HPS4: variants seen among roughly 807,000 people sequenced by gnomAD.
HPS4 encodes the protein HPS4 biogenesis of lysosomal organelles complex 3 subunit 2.
Under a neutral mutation model 70.3 loss-of-function variants are expected in HPS4, and 44 were observed. The ratio of observed to expected loss-of-function variants is 0.63; its 90% CI spans 0.49 to 0.80. HPS4 has a LOEUF of 0.80. HPS4 is among the 30% of genes least tolerant of loss of function. The probability of loss-of-function intolerance (pLI) is 0.00; values close to 1 mark genes in which losing one functional copy is unlikely to be tolerated. For missense variants in HPS4, 873 were observed against 884.4 expected (o/e 0.99, Z 0.16); for synonymous variants, 377 against 355.9 (o/e 1.06, Z -0.67).
In HPS4 at chr22:26,452,416, G is replaced by A; in HGVS notation, c.*817C>T. ...CGCAGCCACCACTGAAAAGCACAGT[G>A]CTTTTACCCCCAGACATCTTGTAAA... is the stretch of plus-strand genomic sequence containing the variant. On this transcript the variant is annotated 3_prime_UTR_variant, in exon 14 of 14. Transcript: ENST00000398145. 1 of 452,612 alleles carries A rather than the reference G, an allele frequency of 2.2e-6. No homozygotes were observed. Among genetic ancestry groups the A allele is most frequent in the East Asian group, 7.0e-5 (1 of 14,384 alleles). The allele number at this position is 452,612 out of a possible 1,614,324, so 28.0% of individuals were successfully genotyped here. A position where few individuals can be genotyped will look rare whatever the true frequency, so the allele number is the denominator to read the frequency against.
At chr22:26,465,605 CG>C in intron 9 of HPS4, 54 bp from the exon 10 acceptor site, 1 of 1,441,608 alleles carries the variant, frequency 6.9e-7, no homozygotes, top group Non-Finnish European at 9.7e-7. Context: ...GAGAGGGCAG[CG>C]GGGCAATAGC....
At chr22:26,463,555 G>C (rs2087764261) in intron 11 of HPS4, among the ~76,000 whole-genome samples, 1 of 152,198 alleles carries the variant, frequency 6.6e-6, no homozygotes, top group Non-Finnish European at 1.5e-5. Context: ...AAGGCTCAAG[G>C]GGACAAAGGT....
At chr22:26,458,214 T>TTC (rs1456380302) in intron 12 of HPS4, among the ~76,000 whole-genome samples, 2 of 152,224 alleles carry the variant, frequency 1.3e-5, no homozygotes, top group East Asian at 3.9e-4. Flanking sequence ...GAACATGAAC[T>TTC]TCTCTCAAAA....
At chr22:26,472,182 C>G (rs1333318927) in intron 6 of HPS4, 120 bp downstream of exon 6, 1 of 777,426 alleles carries the variant, frequency 1.3e-6, no homozygotes, top group Non-Finnish European at 2.3e-6. Flanking sequence ...TGTCATGGCC[C>G]TGCCTGAGAA....
rs548085200 is a variant in HPS4 at position 26,452,615 on chromosome 22, T to C, written c.*618A>G. 2.1e-5 allele frequency: 6 copies of C among 283,946 alleles called. No individual in the cohort carries two copies. Among genetic ancestry groups the C allele is most frequent in the South Asian group, 1.9e-4 (6 of 30,820 alleles). The allele number at this position is 283,946 out of a possible 1,614,324, so 17.6% of individuals were successfully genotyped here. The stretch of plus-strand genomic sequence containing the variant: ...TCCATATTATTAAGGCTTGCCCCCA[T>C]TGTGGGTCCAAAGAAGACGCCCCTA... On this transcript the variant is annotated 3_prime_UTR_variant, in exon 14 of 14. Transcript: ENST00000398145.
intron 8 of HPS4, chr22:26,466,750 T>TA: frequency 7.1e-5 from 12 of 168,934 alleles, no homozygotes; most frequent in Non-Finnish European, 1.1e-4. Context: ...TTTGTTCTGG[T>TA]TCACAATCAG....
intron 3 of HPS4, among the ~76,000 whole-genome samples, chr22:26,478,739 C>G (rs2090933212): frequency 7.9e-6 from 1 of 127,166 alleles, no homozygotes; most frequent in Non-Finnish European, 1.7e-5. Flanking sequence ...GGCTGGTGTG[C>G]AATGGCGCAG....
chr22:26,476,826 G>A, intron 4 of HPS4, 167 bp downstream of exon 4: 1 of 701,636 alleles, frequency 1.4e-6, no homozygotes, highest in Non-Finnish European at 2.5e-6. Context: ...AGCACTTGAT[G>A]ATGAAAACCT....
At chr22:26,462,869 A>G (rs919556963) in intron 11 of HPS4, among the ~76,000 whole-genome samples, 3 of 152,210 alleles carry the variant, frequency 2.0e-5, no homozygotes, top group African/African-American at 7.2e-5. Flanking sequence ...GCGTCTGTGG[A>G]AAGGGCACAG....
intron 2 of HPS4, chr22:26,479,828 C>T: frequency 2.9e-6 from 1 of 343,918 alleles, no homozygotes; most frequent in Non-Finnish European, 4.2e-6. Context: ...TGAGGGCCCA[C>T]AGTGTGCTCC....
rs1167938382 is a variant in HPS4 at position 26,464,071 on chromosome 22, G to A, written c.1559C>T (p.Pro520Leu). Reference sequence around the variant, plus strand: ...CCTGGAGCTGATTCCATCTGCAGAGGGGCCAGCACCCTGACAGTTTGCTGA... The same window carrying A: ...CCTGGAGCTGATTCCATCTGCAGAGAGGCCAGCACCCTGACAGTTTGCTGA... ...SGSANCQGAGPSADGISSRLT... is the reference protein window; with the variant it reads ...SGSANCQGAGLSADGISSRLT... Residue 520 changes from proline to leucine, a missense_variant, in exon 11 of 14, where the codon CCC becomes CTC. Physicochemically the swap from Pro to Leu is moderately conservative, Grantham distance 98. Transcript: ENST00000398145. 4 of 1,614,256 alleles carry A rather than the reference G, an allele frequency of 2.5e-6. No individual in the cohort carries two copies. In the South Asian group the frequency reaches 3.3e-5, roughly 13 times the overall value.
intron 11 of HPS4, among the ~76,000 whole-genome samples, chr22:26,460,301 A>G (rs540903702): frequency 6.6e-6 from 1 of 152,380 alleles, no homozygotes; most frequent in African/African-American, 2.4e-5. Flanking sequence ...GACAATCATA[A>G]TATCTCATGT....
Position 26,461,309 on chromosome 22 carries a change from G to A in HPS4, c.1713+2608C>T, listed in dbSNP as rs78918395. 6.3e-3 allele frequency among the ~76,000 whole-genome samples: 962 copies of A among 152,336 alleles called. 9 individuals are homozygous for A. The highest frequency in any genetic ancestry group is 0.022 in the African/African-American group (902 of 41,582). On this transcript the variant is annotated intron_variant, in intron 11 of 13. Coordinates refer to ENST00000398145, the MANE Select transcript of HPS4 (RefSeq NM_022081.6). ...CACAGAAGCTCCATGTCCTATTGTA[G>A]TGATAAATAATTAATCTGATCACTG...
intron 11 of HPS4, 94 bp downstream of exon 11, chr22:26,463,823 A>T: frequency 7.5e-7 from 1 of 1,330,586 alleles, no homozygotes; most frequent in Non-Finnish European, 1.1e-6. Context: ...CTGAGCCTTT[A>T]TCTCTTCCCT....
In HPS4 at chr22:26,458,533, C is replaced by CAGGT; in HGVS notation, c.1754_1757dup (p.Lys587ProfsTer9). 1 of 1,614,182 alleles carries CAGGT rather than the reference C, an allele frequency of 6.2e-7. No individual in the cohort carries two copies. The highest frequency in any genetic ancestry group is 8.5e-7 in the Non-Finnish European group (1 of 1,180,026). ...CCTCATCCCTGGGCAGCGTCTCTTT[C>CAGGT]AGGTGGACTTCCAGCCCATTCAGTG... On this transcript the variant is annotated frameshift_variant, in exon 12 of 14. Transcript: ENST00000398145. LOFTEE classifies it high-confidence loss of function.
chr22:26,451,524 G>A lies in HPS4; in HGVS notation c.*1709C>T, dbSNP rs912006158. 15 of 152,206 alleles carry A rather than the reference G, an allele frequency of 9.9e-5. No individual in the cohort carries two copies. Among genetic ancestry groups the A allele is most frequent in the Admixed American group, 5.9e-4 (9 of 15,280 alleles). 9.4% of individuals were successfully genotyped at this position (152,206 alleles called of 1,614,324 possible). A position where few individuals can be genotyped will look rare whatever the true frequency, so the allele number is the denominator to read the frequency against. On this transcript the variant is annotated 3_prime_UTR_variant, in exon 14 of 14. Transcript: ENST00000398145. Reference sequence around the variant, plus strand: ...TTTTTCTGAGTTAATCCAGGTGCATGAGACTTTTCCATATACACGGATAGG... The same window carrying A: ...TTTTTCTGAGTTAATCCAGGTGCATAAGACTTTTCCATATACACGGATAGG...
In HPS4 at chr22:26,451,992, GCGCGCGCGCGCGCACACACACA is replaced by G; in HGVS notation, c.*1219_*1240del. The G allele has an allele frequency of 9.5e-5, 2 of 20,982 alleles. No individual in the cohort carries two copies. Among genetic ancestry groups the G allele is most frequent in the South Asian group, 1.0e-3 (1 of 970 alleles). 1.3% of individuals were successfully genotyped at this position (20,982 alleles called of 1,614,324 possible). On this transcript the variant is annotated 3_prime_UTR_variant, in exon 14 of 14. Transcript: ENST00000398145. Reference sequence around the variant, plus strand: ...AGAGGGATGCGCCCACGTTACGCGCGCGCGCGCGCGCGCACACACACACACACACACACACACACACACACAC... The same window carrying G: ...AGAGGGATGCGCCCACGTTACGCGCGCACACACACACACACACACACACAC...
chr22:26,471,035 G>C, intron 6 of HPS4: 1 of 857,592 alleles, frequency 1.2e-6, no homozygotes, highest in Non-Finnish European at 1.9e-6. Flanking sequence ...TTAGAACAAG[G>C]AGGCCTGTCC....
At chr22:26,473,417 G>A (rs17401723) in intron 4 of HPS4, among the ~76,000 whole-genome samples, 8,636 of 152,230 alleles carry the variant, frequency 0.057, 272 homozygotes, top group Non-Finnish European at 0.078. Flanking sequence ...AGAACTGACC[G>A]CAATCTTCCC....
Sources: gnomAD v4.1 joint callset for allele counts (sites outside exome capture counted in the v4.1 genomes callset) on GRCh38, gnomAD v4.1.1 for gene constraint, MANE v1.5 for transcripts, NCBI Gene and HGNC (gene_info 2026-07-23, HGNC 2026-07-21) for gene names.